Variants in ACP1 observed in about 807,000 individuals in gnomAD.
ACP1 encodes the protein low molecular weight phosphotyrosine protein phosphatase.
In ACP1, 23 loss-of-function variants were observed where a neutral mutation model predicts 23.4. The ratio of observed to expected loss-of-function variants is 0.98; its 90% confidence interval spans 0.71 to 1.39. The LOEUF (loss-of-function observed/expected upper bound fraction) is 1.39, where lower values mean the gene tolerates loss of function less well. ACP1 is among the 40% of genes most tolerant of loss of function. ACP1 has a pLI of 0.00. For missense variants in ACP1, 180 were observed against 197.7 expected (o/e 0.91, Z 0.54); for synonymous variants, 72 against 67.2 (o/e 1.07, Z -0.35).
At chr2:268,814 C>A (rs1378969811) in intron 1 of ACP1, among the ~76,000 whole-genome samples, 3 of 152,194 alleles carry the variant, frequency 2.0e-5, no homozygotes, top group African/African-American at 7.2e-5. Flanking sequence ...TGCAGTGTTT[C>A]ACTGATGACC....
chr2:277,328 C>G lies in ACP1; in HGVS notation c.*24C>G. The G allele has an allele frequency of 1.9e-6, 3 of 1,608,892 alleles. No individual in the cohort carries two copies. The highest frequency in any genetic ancestry group is 2.5e-6 in the Non-Finnish European group (3 of 1,176,920). On this transcript the variant is annotated 3_prime_UTR_variant, in exon 6 of 6. Coordinates refer to ENST00000272065, the MANE Select transcript of ACP1 (RefSeq NM_004300.4). ...GAGGCAGGTTCGTGCCCTGCTGCGG[C>G]CAGCCTGACTAGACCCCACCCTGAG...
intron 1 of ACP1, chr2:269,328 A>G (rs891126778): frequency 1.3e-5 from 6 of 470,778 alleles, no homozygotes; most frequent in Non-Finnish European, 2.2e-5. Flanking sequence ...TGTGGAAACT[A>G]CAGTCTCTGT....
chr2:277,695 C>CTGA lies in ACP1; in HGVS notation c.*393_*394insATG, dbSNP rs377219203. On this transcript the variant is annotated 3_prime_UTR_variant, in exon 6 of 6. Coordinates refer to ENST00000272065, the MANE Select transcript of ACP1 (RefSeq NM_004300.4). ...TCTTCAGTAGGTTTGTGTGGATGGC[C>CTGA]TGGAGGGCAGGTGCCCTCTGCTCCC... is the stretch of plus-strand genomic sequence containing the variant. 93 of 239,728 alleles carry CTGA rather than the reference C, an allele frequency of 3.9e-4. No homozygotes were observed. The highest frequency in any genetic ancestry group is 2.0e-3 in the African/African-American group (92 of 44,938). 14.9% of individuals were successfully genotyped at this position (239,728 alleles called of 1,614,324 possible). A position where few individuals can be genotyped will look rare whatever the true frequency, so the allele number is the denominator to read the frequency against.
intron 4 of ACP1, chr2:275,502 G>A (rs745469958): frequency 5.1e-5 from 10 of 195,742 alleles, no homozygotes; most frequent in African/African-American, 1.6e-4. Flanking sequence ...GCATGAGAAC[G>A]ATTTTGATAT....
At chr2:271,484 G>A (rs988877117) in intron 1 of ACP1, among the ~76,000 whole-genome samples, 17 of 152,072 alleles carry the variant, frequency 1.1e-4, no homozygotes, top group Non-Finnish European at 2.2e-4. Context: ...ACAGACCACT[G>A]TATTTTATTT....
chr2:266,791 A>G (rs987449517), intron 1 of ACP1, among the ~76,000 whole-genome samples: 1 of 152,112 alleles, frequency 6.6e-6, no homozygotes, highest in African/African-American at 2.4e-5. Context: ...ACCTCGGTAT[A>G]AGTTTTTTTT....
In ACP1 at chr2:272,060, T is replaced by C; in HGVS notation, c.141T>C (p.Thr47=). The change falls in exon 3 of 6, where the codon ACT becomes ACC. Residue 47 remains threonine, a synonymous_variant. Coordinates refer to ENST00000272065, the MANE Select transcript of ACP1 (RefSeq NM_004300.4). ...SENWRVDSAA[T]SGYEIGNPPD... is the part of the protein sequence containing the mutation. ...AGTGGAGGGTAGACAGCGCGGCAAC[T>C]TCCGGGTATGAGATAGGGAACCCCC... 1 of 1,613,606 alleles carries C rather than the reference T, an allele frequency of 6.2e-7. No homozygotes were observed. The highest frequency in any genetic ancestry group is 2.2e-5 in the East Asian group (1 of 44,848).
chr2:266,338 A>G (rs1398876098), intron 1 of ACP1: 3 of 152,344 alleles, frequency 2.0e-5, no homozygotes, highest in Non-Finnish European at 2.9e-5. Flanking sequence ...TTTAAGACTC[A>G]TTGAAGGCTG....
chr2:276,839 C>T (rs1268386485), intron 4 of ACP1, 141 bp from the exon 5 acceptor site: 2 of 612,812 alleles, frequency 3.3e-6, no homozygotes, highest in East Asian at 2.8e-5. Context: ...GCCACACGGG[C>T]CTGCTGAGTG....
In ACP1 at chr2:277,439, T is replaced by A; in HGVS notation, c.*135T>A. On this transcript the variant is annotated 3_prime_UTR_variant, in exon 6 of 6. Coordinates refer to ENST00000272065, the MANE Select transcript of ACP1 (RefSeq NM_004300.4). Reference sequence around the variant, plus strand: ...TCAGTTGACTTACTGTTTCTTACCTTAAAAAGTAATTGTAGATGGAAATCA... The same window carrying A: ...TCAGTTGACTTACTGTTTCTTACCTAAAAAAGTAATTGTAGATGGAAATCA... The A allele has an allele frequency of 1.4e-6, 1 of 740,170 alleles. No homozygotes were observed. The allele number at this position is 740,170 out of a possible 1,614,324, so 45.9% of individuals were successfully genotyped here.
At chr2:269,048 G>T (rs1054358359) in intron 1 of ACP1, among the ~76,000 whole-genome samples, 1 of 152,202 alleles carries the variant, frequency 6.6e-6, no homozygotes, top group Admixed American at 6.5e-5. Flanking sequence ...TTGTTCTACA[G>T]ATCCAAAATA....
rs552207389 is a variant in ACP1 at position 269,652 on chromosome 2, G to T, written c.44-2214G>T. Reference sequence around the variant, plus strand: ...TCAGAGCAGCCCCAGAAGCAAGGTCGTAGAAACCATCATTTATCTTCCCCA... The same window carrying T: ...TCAGAGCAGCCCCAGAAGCAAGGTCTTAGAAACCATCATTTATCTTCCCCA... On this transcript the variant is annotated intron_variant, in intron 1 of 5. Coordinates refer to ENST00000272065, the MANE Select transcript of ACP1 (RefSeq NM_004300.4). Among the ~76,000 whole-genome samples the T allele has an allele frequency of 2.6e-5, 4 of 152,254 alleles. No homozygotes were observed. The South Asian group carries it at 8.3e-4, about 32-fold the overall frequency.
At chr2:272,422 G>A in intron 3 of ACP1, 1 of 1,466,028 alleles carries the variant, frequency 6.8e-7, no homozygotes, top group Non-Finnish European at 9.0e-7. Context: ...AGCTTAACCA[G>A]CTATGGTGTG....
chr2:273,096 G>A (rs1320868705), intron 3 of ACP1: 1 of 154,490 alleles, frequency 6.5e-6, no homozygotes, highest in African/African-American at 2.4e-5. Flanking sequence ...TCGTCCTGTG[G>A]TAGAAGGTGG....
chr2:277,151 A>G (rs1670196826), intron 5 of ACP1, 66 bp downstream of exon 5: 5 of 1,582,184 alleles, frequency 3.2e-6, no homozygotes, highest in Non-Finnish European at 4.3e-6. Flanking sequence ...GCCATATTAA[A>G]TAACAGATGA....
chr2:265,122 C>G, intron 1 of ACP1, 115 bp downstream of exon 1: 2 of 1,323,736 alleles, frequency 1.5e-6, no homozygotes, highest in South Asian at 1.3e-5. Flanking sequence ...AGGCCAGGGA[C>G]TGGGAGGCCT....
chr2:276,093 AC>A (rs1443505538), intron 4 of ACP1, among the ~76,000 whole-genome samples: 1 of 152,198 alleles, frequency 6.6e-6, no homozygotes, highest in Non-Finnish European at 1.5e-5. Flanking sequence ...GGCACTGAGC[AC>A]CGTGTTTCTT....
chr2:272,241 CAGACCCAAGA>C (rs1439938823), intron 3 of ACP1, 91 bp downstream of exon 3: 1 of 1,614,202 alleles, frequency 6.2e-7, no homozygotes, highest in Admixed American at 1.7e-5. Context: ...GGCCGGTCCC[CAGACCCAAGA>C]GCTGTGAGCT....
intron 1 of ACP1, 142 bp downstream of exon 1, chr2:265,149 G>A: frequency 1.1e-6 from 1 of 919,132 alleles, no homozygotes; most frequent in Non-Finnish European, 1.6e-6. Flanking sequence ...TTCTAGGAGT[G>A]TGCCGCAGCG....
Sources: gnomAD v4.1 joint callset for allele counts (sites outside exome capture counted in the v4.1 genomes callset) on GRCh38, gnomAD v4.1.1 for gene constraint, MANE v1.5 for transcripts, NCBI Gene and HGNC (gene_info 2026-07-23, HGNC 2026-07-21) for gene names.